Variants in MYH11 observed in about 807,000 individuals in gnomAD.
MYH11 encodes myosin-11.
Under a neutral mutation model 246.6 loss-of-function variants are expected in MYH11, and 80 were observed. The ratio of observed to expected loss-of-function variants is 0.32; its 90% CI spans 0.27 to 0.39. MYH11 has a LOEUF of 0.39. MYH11 is among the 10% of genes least tolerant of loss of function. The probability of loss-of-function intolerance (pLI) is 1.00; values close to 1 mark genes in which losing one functional copy is unlikely to be tolerated. For synonymous variants in MYH11, 1,071 were observed against 1,015.5 expected (o/e 1.05, Z -1.04); for missense variants, 2,158 against 2,546.8 (o/e 0.85, Z 3.29).
intron 15 of MYH11, among the ~76,000 whole-genome samples, chr16:15,752,786 G>A (rs1037375360): frequency 2.0e-5 from 3 of 152,168 alleles, no homozygotes; most frequent in African/African-American, 7.2e-5. Context: ...GGCTGAGGCA[G>A]GAAAATCACT....
rs747392139 is a variant in MYH11 at position 15,708,829 on chromosome 16, TG to T, written c.5787-4707del. ...TGGTGCATCACTGCGAAGTTTCCTGTGGGGGGGGCCCTCTGAAACAGAGAGA... is the reference window on the plus strand; with the variant it reads ...TGGTGCATCACTGCGAAGTTTCCTGTGGGGGGGCCCTCTGAAACAGAGAGA... On this transcript the variant is annotated intron_variant, in intron 40 of 40. Transcript: ENST00000300036. The T allele has an allele frequency of 8.7e-6, 14 of 1,605,644 alleles. No individual in the cohort carries two copies. Among genetic ancestry groups the T allele is most frequent in the Admixed American group, 5.1e-5 (3 of 59,132 alleles).
intron 3 of MYH11, among the ~76,000 whole-genome samples, chr16:15,814,896 T>C (rs753572354): frequency 6.0e-5 from 9 of 151,014 alleles, no homozygotes; most frequent in Non-Finnish European, 1.2e-4. Flanking sequence ...CCAGGAACCA[T>C]ACTGAAAGAA....
At chr16:15,727,401 A>G (rs1255685065) in intron 27 of MYH11, among the ~76,000 whole-genome samples, 1 of 151,978 alleles carries the variant, frequency 6.6e-6, no homozygotes, top group African/African-American at 2.4e-5. Flanking sequence ...AGGTTTCACC[A>G]TGTTAGCCAG....
intron 38 of MYH11, among the ~76,000 whole-genome samples, chr16:15,716,221 C>G (rs2040125851): frequency 6.6e-6 from 1 of 152,110 alleles, no homozygotes; most frequent in South Asian, 2.1e-4. Context: ...GCATGAAATA[C>G]CACATATGGC....
At chr16:15,721,389 C>T (rs1167153928) in intron 32 of MYH11, 33 bp downstream of exon 32, 1 of 1,610,664 alleles carries the variant, frequency 6.2e-7, no homozygotes, top group South Asian at 1.1e-5. Context: ...GCAGGCGAAA[C>T]ATGGACGAGA....
chr16:15,826,142 G>C (rs117904320), intron 2 of MYH11, among the ~76,000 whole-genome samples: 1 of 150,920 alleles, frequency 6.6e-6, no homozygotes, highest in Non-Finnish European at 1.5e-5. Flanking sequence ...CTGATCGTTC[G>C]TTCATTCATT....
At chr16:15,793,264 C>G (rs955864663) in intron 4 of MYH11, among the ~76,000 whole-genome samples, 2 of 152,050 alleles carry the variant, frequency 1.3e-5, no homozygotes, top group Non-Finnish European at 2.9e-5. Flanking sequence ...ATTCAGCTTT[C>G]AGTTTCCTTC....
In MYH11 at chr16:15,721,059, C is replaced by A; in HGVS notation, c.4579-8G>T. On this transcript the variant is annotated splice_region_variant and splice_polypyrimidine_tract_variant and intron_variant, in intron 32 of 40. Coordinates refer to ENST00000300036, the MANE Select transcript of MYH11 (RefSeq NM_002474.3). ...CTTCTCCAGCTCATGGACCTGCCGG[C>A]AGAGCGGGCAGCCCCATTCTATGAG... The A allele has an allele frequency of 1.2e-6, 2 of 1,613,664 alleles. No homozygotes were observed. Among genetic ancestry groups the A allele is most frequent in the Middle Eastern group, 1.7e-4 (1 of 6,060 alleles).
Position 15,720,196 on chromosome 16 carries a change from G to A in MYH11, c.4908C>T (p.Ala1636=), listed in dbSNP as rs2040392359. The A allele has an allele frequency of 6.2e-7, 1 of 1,614,002 alleles. No homozygotes were observed. Among genetic ancestry groups the A allele is most frequent in the Non-Finnish European group, 8.5e-7 (1 of 1,180,036 alleles). ...TGATGGCTTCCTCCCTCCCCTTGAT[G>A]GCAGAGTCGGCCTGAAGCTCCAGGT... The part of the protein sequence containing the change: ...LKDLELQADS[A]IKGREEAIKQ... The change falls in exon 34 of 41, where the codon GCC becomes GCT. Residue 1636 remains alanine, a synonymous_variant. Coordinates refer to ENST00000300036, the MANE Select transcript of MYH11 (RefSeq NM_002474.3).
Position 15,747,865 on chromosome 16 carries a change from T to C in MYH11, c.2250+9A>G, listed in dbSNP as rs1443872380. 1 of 1,613,778 alleles carries C rather than the reference T, an allele frequency of 6.2e-7. No individual in the cohort carries two copies. The highest frequency in any genetic ancestry group is 8.5e-7 in the Non-Finnish European group (1 of 1,180,004). Reference sequence around the variant, plus strand: ...GGTTGGGAGGTCTCTGGTGGACTTCTGGGCTCACCATGAGAATGCAGGCCT... The same window carrying C: ...GGTTGGGAGGTCTCTGGTGGACTTCCGGGCTCACCATGAGAATGCAGGCCT... On this transcript the variant is annotated intron_variant, in intron 18 of 40. Transcript: ENST00000300036.
rs748924540 is a variant in MYH11, at chr16:15,760,581, C to A, written c.1207G>T (p.Val403Phe). Residue 403 changes from valine to phenylalanine, a missense_variant, in exon 11 of 41, where the codon GTT becomes TTT. Physicochemically the swap from Val to Phe is conservative, Grantham distance 50 (BLOSUM62 -1). This residue lies in a region of MYH11 where 317 missense variants were observed against 507.7 expected (regional missense o/e 0.62). Coordinates refer to ENST00000300036, the MANE Select transcript of MYH11 (RefSeq NM_002474.3). Reference sequence around the variant, plus strand: ...GCTTTCTGTACCACATCTCGCCCAACCTTGATACGAGGAGTGAGGATGGAT... The same window carrying A: ...GCTTTCTGTACCACATCTCGCCCAAACTTGATACGAGGAGTGAGGATGGAT... Reference protein sequence around the residue: ...TRSILTPRIKVGRDVVQKAQT... With the variant: ...TRSILTPRIKFGRDVVQKAQT... 2 of 1,614,132 alleles carry A rather than the reference C, an allele frequency of 1.2e-6. No individual in the cohort carries two copies. The highest frequency in any genetic ancestry group is 1.7e-6 in the Non-Finnish European group (2 of 1,180,000).
rs369687215 is a variant in MYH11, at chr16:15,750,375, C to A, written c.1865-44G>T. The A allele has an allele frequency of 1.9e-6, 3 of 1,541,396 alleles. No individual in the cohort carries two copies. The highest frequency in any genetic ancestry group is 1.4e-5 in the African/African-American group (1 of 73,212). On this transcript the variant is annotated intron_variant, in intron 15 of 40. Coordinates refer to ENST00000300036, the MANE Select transcript of MYH11 (RefSeq NM_002474.3). The surrounding 1 kb of genome is among the most constrained non-coding windows in gnomAD (Gnocchi z 4.3). The stretch of plus-strand genomic sequence containing the variant: ...GTGGCATCAGCCTCTGGCCCACCCA[C>A]CCCTAAATAGGCCAGAGGCTCAGCC...
At chr16:15,850,801 G>T (rs1277612288) in intron 1 of MYH11, among the ~76,000 whole-genome samples, 4 of 151,994 alleles carry the variant, frequency 2.6e-5, no homozygotes, top group Non-Finnish European at 4.4e-5. Context: ...AGGCTGAGGT[G>T]GGAAGATCGC....
chr16:15,712,882 G>GTTTTTTTTTTGTTTTTTTTTTTTTT, intron 40 of MYH11: 1 of 90,636 alleles, frequency 1.1e-5, no homozygotes, highest in Non-Finnish European at 2.3e-5. Flanking sequence ...TTCACATACA[G>GTTTTTTTTTTGTTTTTTTTTTTTTT]TTTTTTTTTT....
chr16:15,742,959 C>A (rs2041316368), intron 20 of MYH11, among the ~76,000 whole-genome samples: 1 of 150,072 alleles, frequency 6.7e-6, no homozygotes, highest in African/African-American at 2.5e-5. Context: ...GGACTACAGG[C>A]ACATGCCACA....
At chr16:15,854,584 G>A (rs1273100254) in intron 1 of MYH11, among the ~76,000 whole-genome samples, 1 of 152,192 alleles carries the variant, frequency 6.6e-6, no homozygotes, top group Admixed American at 6.5e-5. Context: ...CCAGGCAAAA[G>A]TGCCCAAAAA....
intron 25 of MYH11, 60 bp downstream of exon 25, chr16:15,737,389 T>C (rs1431184416): frequency 6.3e-7 from 1 of 1,599,726 alleles, no homozygotes; most frequent in Non-Finnish European, 8.5e-7. Flanking sequence ...AATGAGCGAA[T>C]GAGCAGGGGC....
At chr16:15,763,763 A>AAACAAT in intron 10 of MYH11, 33 bp downstream of exon 10, 1 of 597,154 alleles carries the variant, frequency 1.7e-6, no homozygotes, top group Non-Finnish European at 3.0e-6. Flanking sequence ...CCAACCCCAA[A>AAACAAT]GTCATTGGTC....
At chr16:15,846,664 C>T (rs568615356) in intron 1 of MYH11, among the ~76,000 whole-genome samples, 1 of 152,306 alleles carries the variant, frequency 6.6e-6, no homozygotes, top group Admixed American at 6.5e-5. Context: ...GCCTGGCCAA[C>T]ACAGCAAGAC....
Sources: gnomAD v4.1 joint callset for allele counts (sites outside exome capture counted in the v4.1 genomes callset) on GRCh38, gnomAD v4.1.1 for gene constraint, gnomAD v4.1.1 regional missense constraint, Gnocchi (gnomAD v3.1) non-coding constraint, MANE v1.5 for transcripts, NCBI Gene and HGNC (gene_info 2026-07-23, HGNC 2026-07-21) for gene names.